Variants in CFAP46 observed in about 807,000 individuals in gnomAD.
CFAP46 encodes the protein cilia- and flagella-associated protein 46.
A neutral mutation model predicts 325.7 loss-of-function variants in CFAP46; 245 were observed. That is an observed-to-expected ratio of 0.75 (90% CI 0.68 to 0.84). CFAP46 has a LOEUF of 0.84. Ranked by LOEUF, CFAP46 falls within the 40% of genes least tolerant of loss-of-function variation. The pLI, the probability that CFAP46 is intolerant of heterozygous loss-of-function variation, is 0.00. For synonymous variants in CFAP46, 1,523 were observed against 1,495.9 expected (o/e 1.02, Z -0.42); for missense variants, 3,346 against 3,543.0 (o/e 0.94, Z 1.41).
At chr10:132,924,991 A>C in intron 10 of CFAP46, 105 bp from the exon 11 acceptor site, 2 of 917,062 alleles carry the variant, frequency 2.2e-6, no homozygotes, top group Non-Finnish European at 3.0e-6. Flanking sequence ...CCCTAAATTC[A>C]TCACCCTGCG....
At chr10:132,912,958 C>A (rs1849576969) in intron 18 of CFAP46, 88 bp downstream of exon 18, 4 of 1,485,612 alleles carry the variant, frequency 2.7e-6, no homozygotes, top group Non-Finnish European at 3.6e-6. Flanking sequence ...ACACAGAGGG[C>A]CATGGAGTGC....
chr10:132,856,540 G>T (rs1848645042), intron 39 of CFAP46, among the ~76,000 whole-genome samples: 1 of 152,000 alleles, frequency 6.6e-6, no homozygotes. Context: ...AAAAGTTTCT[G>T]TTGCTATGTC....
chr10:132,887,161 T>TC (rs145106595), intron 25 of CFAP46, among the ~76,000 whole-genome samples: 3 of 33,986 alleles, frequency 8.8e-5, no homozygotes, highest in African/African-American at 8.1e-4. Flanking sequence ...CTCTCTCCTC[T>TC]CTCTTCTTTC....
At chr10:132,907,850 G>C (rs59786359) in intron 22 of CFAP46, among the ~76,000 whole-genome samples, 1 of 152,194 alleles carries the variant, frequency 6.6e-6, no homozygotes, top group African/African-American at 2.4e-5. Flanking sequence ...CGCATGTGAG[G>C]ACACAGCGGG....
At chr10:132,902,168 T>G (rs1432397343) in intron 22 of CFAP46, among the ~76,000 whole-genome samples, 1 of 152,196 alleles carries the variant, frequency 6.6e-6, no homozygotes, top group Non-Finnish European at 1.5e-5. Context: ...TTTCAGCCAT[T>G]ATGTTTTCAA....
At chr10:132,811,160 C>T in intron 55 of CFAP46, 129 bp from the exon 56 acceptor site, 1 of 774,102 alleles carries the variant, frequency 1.3e-6, no homozygotes, top group Non-Finnish European at 2.1e-6. Context: ...CAGCTCCGGG[C>T]TCCGACCTCA....
In CFAP46 at chr10:132,810,097, T is replaced by C. The variant is rs543080473; in HGVS notation, c.7664+312A>G. Among the ~76,000 whole-genome samples, 490 of 152,234 alleles carry C rather than the reference T, an allele frequency of 3.2e-3. 2 individuals carry two copies. Among genetic ancestry groups the C allele is most frequent in the Admixed American group, 5.2e-3 (80 of 15,302 alleles). On this transcript the variant is annotated intron_variant, in intron 57 of 57. Coordinates refer to ENST00000368586, the MANE Select transcript of CFAP46 (RefSeq NM_001200049.3). ...CAGACAGCCCCTGGGCTCGTGGGGATTGTGTGACTGGAGCTGTCAACGAGG... is the reference window on the plus strand; with the variant it reads ...CAGACAGCCCCTGGGCTCGTGGGGACTGTGTGACTGGAGCTGTCAACGAGG...
rs1848403486 is a variant in CFAP46, at chr10:132,844,582, G to C, written c.6438+1475C>G. Among the ~76,000 whole-genome samples, 3 of 152,162 alleles carry C rather than the reference G, an allele frequency of 2.0e-5. No individual in the cohort carries two copies. In the South Asian group the frequency reaches 6.2e-4, roughly 32 times the overall value. ...CTTTTCCATGAGAATTCCTGAAACA[G>C]GAGGGCCTGAGGAGTGGTGGCCCCC... is the stretch of plus-strand genomic sequence containing the variant. On this transcript the variant is annotated intron_variant, in intron 44 of 57. Coordinates refer to ENST00000368586, the MANE Select transcript of CFAP46 (RefSeq NM_001200049.3).
chr10:132,860,656 G>T, intron 36 of CFAP46, 126 bp downstream of exon 36: 1 of 1,216,528 alleles, frequency 8.2e-7, no homozygotes, highest in African/African-American at 1.5e-5. Context: ...GTCTGAGGGT[G>T]GGGCAGGGAT....
At chr10:132,913,624 C>G (rs1460263360) in intron 17 of CFAP46, among the ~76,000 whole-genome samples, 1 of 152,206 alleles carries the variant, frequency 6.6e-6, no homozygotes, top group African/African-American at 2.4e-5. Flanking sequence ...GAAAAACTGT[C>G]TCCCACGAAA....
intron 45 of CFAP46, among the ~76,000 whole-genome samples, 182 bp from the exon 46 acceptor site, chr10:132,836,400 G>A (rs1848248319): frequency 2.0e-5 from 3 of 152,128 alleles, no homozygotes; most frequent in African/African-American, 4.8e-5. Flanking sequence ...CGGTCAGGAC[G>A]TGGATTGAGA....
In CFAP46 at chr10:132,835,294, A is replaced by G; in HGVS notation, c.6744+10T>C. 1 of 1,611,572 alleles carries G rather than the reference A, an allele frequency of 6.2e-7. No homozygotes were observed. The highest frequency in any genetic ancestry group is 8.5e-7 in the Non-Finnish European group (1 of 1,179,254). ...CCCGGCTGGGTGGCTTGGAGCCTGG[A>G]GGGCCTCACCGAGCCTATGTTCAGG... On this transcript the variant is annotated intron_variant, in intron 47 of 57. Coordinates refer to ENST00000368586, the MANE Select transcript of CFAP46 (RefSeq NM_001200049.3).
Position 132,929,820 on chromosome 10 carries a change from C to G in CFAP46, c.867-16G>C. ...CAAAAGCATTCTGCAAACAAACAAACCAGCCAGCACCGGCTCAATAGGGGG... is the reference window on the plus strand; with the variant it reads ...CAAAAGCATTCTGCAAACAAACAAAGCAGCCAGCACCGGCTCAATAGGGGG... On this transcript the variant is annotated splice_polypyrimidine_tract_variant and intron_variant, in intron 8 of 57. Transcript: ENST00000368586. 1 of 1,596,466 alleles carries G rather than the reference C, an allele frequency of 6.3e-7. No individual in the cohort carries two copies. Among genetic ancestry groups the G allele is most frequent in the Non-Finnish European group, 8.6e-7 (1 of 1,168,386 alleles).
intron 4 of CFAP46, among the ~76,000 whole-genome samples, chr10:132,940,669 C>A (rs1247310770): frequency 6.6e-6 from 1 of 152,160 alleles, no homozygotes; most frequent in African/African-American, 2.4e-5. Flanking sequence ...CCTCCGCCTC[C>A]CGAGTTCAAG....
chr10:132,823,543 G>C (rs1309469735), intron 50 of CFAP46, among the ~76,000 whole-genome samples: 3 of 109,574 alleles, frequency 2.7e-5, no homozygotes, highest in Non-Finnish European at 5.8e-5. Context: ...TGCGCTGTGT[G>C]CTGTGTGCTG....
chr10:132,854,559 G>A (rs906283427), intron 39 of CFAP46, among the ~76,000 whole-genome samples: 8 of 151,964 alleles, frequency 5.3e-5, no homozygotes. Context: ...GGATGGTCTC[G>A]ATCTCCTGAC....
Position 132,850,421 on chromosome 10 carries a change from C to T in CFAP46, c.5775G>A (p.Thr1925=), listed in dbSNP as rs372659504. The T allele has an allele frequency of 1.4e-4, 223 of 1,567,120 alleles. No individual in the cohort carries two copies. The highest frequency in any genetic ancestry group is 3.8e-4 in the Admixed American group (21 of 54,832). ...DYTSVGLQWF[T]LKRTLAHGAL... The stretch of plus-strand genomic sequence containing the variant: ...CCCCGTGTGCTAGAGTCCGCTTCAG[C>T]GTGAACCATTGCTTCGAAAAGACAG... The change falls in exon 41 of 58, where the codon ACG becomes ACA. Residue 1925 remains threonine (T), a synonymous_variant. Coordinates refer to ENST00000368586, the MANE Select transcript of CFAP46 (RefSeq NM_001200049.3).
chr10:132,904,337 A>C (rs1318268639), intron 22 of CFAP46, among the ~76,000 whole-genome samples: 2 of 152,150 alleles, frequency 1.3e-5, no homozygotes, highest in African/African-American at 4.8e-5. Flanking sequence ...GCCTGCACAC[A>C]GGAGCACCCA....
chr10:132,914,831 T>C (rs1658399634), intron 17 of CFAP46, among the ~76,000 whole-genome samples: 1 of 152,070 alleles, frequency 6.6e-6, no homozygotes, highest in Non-Finnish European at 1.5e-5. Context: ...CCCGAGGCTG[T>C]GTCCAGCCAC....
Sources: allele counts gnomAD v4.1 joint callset (sites outside exome capture counted in the v4.1 genomes callset), GRCh38; gene constraint gnomAD v4.1.1; transcripts MANE v1.5; gene names NCBI Gene and HGNC (gene_info 2026-07-23, HGNC 2026-07-21).